NCKAP1: variants seen among roughly 807,000 people sequenced by gnomAD.
NCKAP1 encodes the protein NCK associated protein 1, also known as nck-associated protein 1.
NCKAP1 carries 21 observed loss-of-function variants against 151.2 expected under a neutral mutation model. The ratio of observed to expected loss-of-function variants is 0.14; its 90% CI spans 0.10 to 0.20. The LOEUF (loss-of-function observed/expected upper bound fraction) is 0.20. NCKAP1 is among the 10% of genes least tolerant of loss of function. The pLI is 1.00. For missense variants in NCKAP1, 933 were observed against 1,352.1 expected (o/e 0.69, Z 4.86); for synonymous variants, 484 against 451.8 (o/e 1.07, Z -0.90).
chr2:182,948,664 G>C (rs1438772009), intron 23 of NCKAP1, among the ~76,000 whole-genome samples: 1 of 152,032 alleles, frequency 6.6e-6, no homozygotes, highest in African/African-American at 2.4e-5. Context: ...ACTCTACTAA[G>C]AAAAACTACA....
At chr2:183,009,421 G>GGGAAGGGAAGGAA (rs1553517550) in intron 2 of NCKAP1, among the ~76,000 whole-genome samples, 1 of 82,574 alleles carries the variant, frequency 1.2e-5, no homozygotes, top group African/African-American at 4.7e-5. Flanking sequence ...AAAGAGGGAA[G>GGGAAGGGAAGGAA]GGAAGGAAGG....
In NCKAP1 at chr2:182,924,993, T is replaced by C. The variant is rs1696612325; in HGVS notation, c.*709A>G. The C allele has an allele frequency of 6.6e-6, 1 of 152,098 alleles. No individual in the cohort carries two copies. Among genetic ancestry groups the C allele is most frequent in the Non-Finnish European group, 1.5e-5 (1 of 67,972 alleles). 9.4% of individuals were successfully genotyped at this position (152,098 alleles called of 1,614,324 possible). Reference sequence around the variant, plus strand: ...TAGGGACTAACATTTGTATCAACAGTTGATAAATGTCTAAGATTGTTTATT... The same window carrying C: ...TAGGGACTAACATTTGTATCAACAGCTGATAAATGTCTAAGATTGTTTATT... On this transcript the variant is annotated 3_prime_UTR_variant, in exon 31 of 31. Coordinates refer to ENST00000361354, the MANE Select transcript of NCKAP1 (RefSeq NM_013436.5).
intron 18 of NCKAP1, among the ~76,000 whole-genome samples, chr2:182,958,850 T>C (rs1697379349): frequency 6.6e-6 from 1 of 152,230 alleles, no homozygotes; most frequent in East Asian, 1.9e-4. Context: ...AGTAGCCACA[T>C]GTGAAATGTG....
chr2:182,993,218 C>A (rs1365624093), intron 8 of NCKAP1, among the ~76,000 whole-genome samples: 1 of 152,122 alleles, frequency 6.6e-6, no homozygotes, highest in East Asian at 1.9e-4. Flanking sequence ...TAATACAATA[C>A]CTACACATCA....
At chr2:182,954,663 G>A (rs1274960578) in intron 20 of NCKAP1, among the ~76,000 whole-genome samples, 1 of 152,162 alleles carries the variant, frequency 6.6e-6, no homozygotes, top group Non-Finnish European at 1.5e-5. Context: ...GCACACGCCT[G>A]TAGTCCCAGC....
At chr2:183,013,458 A>G (rs1698627578) in intron 2 of NCKAP1, among the ~76,000 whole-genome samples, 1 of 152,116 alleles carries the variant, frequency 6.6e-6, no homozygotes, top group African/African-American at 2.4e-5. Context: ...CCATACACCC[A>G]ACACCCAATT....
In NCKAP1 at chr2:182,967,279, T is replaced by A; in HGVS notation, c.1565A>T (p.His522Leu). 1 of 1,612,022 alleles carries A rather than the reference T, an allele frequency of 6.2e-7. No homozygotes were observed. The highest frequency in any genetic ancestry group is 8.5e-7 in the Non-Finnish European group (1 of 1,178,840). The change falls in exon 16 of 31, where the codon CAT becomes CTT. Residue 522 changes from histidine (H) to leucine (L), a missense_variant. Physicochemically the swap from His to Leu is moderately conservative, Grantham distance 99. Transcript: ENST00000361354. Reference protein sequence around the residue: ...LGKMMNTIIFHTKMVDSLVEM... With the variant: ...LGKMMNTIIFLTKMVDSLVEM... Reference sequence around the variant, plus strand: ...CACCAAGGAATCTACCATTTTTGTATGAAAAATTATTGTATTCATCATCTT... The same window carrying A: ...CACCAAGGAATCTACCATTTTTGTAAGAAAAATTATTGTATTCATCATCTT...
At chr2:182,971,366 C>T (rs1697686148) in intron 15 of NCKAP1, among the ~76,000 whole-genome samples, 1 of 141,160 alleles carries the variant, frequency 7.1e-6, no homozygotes, top group African/African-American at 2.7e-5. Context: ...TGCACTCCAG[C>T]CTGGGCGACA....
intron 2 of NCKAP1, among the ~76,000 whole-genome samples, chr2:183,014,118 T>A (rs1475163439): frequency 1.3e-5 from 2 of 152,220 alleles, no homozygotes; most frequent in African/African-American, 4.8e-5. Context: ...CAACATAATA[T>A]AAGCTCTGTA....
chr2:182,956,727 A>G, intron 19 of NCKAP1, 134 bp from the exon 20 acceptor site: 1 of 884,644 alleles, frequency 1.1e-6, no homozygotes, highest in Non-Finnish European at 1.6e-6. Context: ...TAAACTGAGA[A>G]AGTTCAAAAT....
At chr2:182,972,542 T>C (rs1697721978) in intron 15 of NCKAP1, among the ~76,000 whole-genome samples, 1 of 152,080 alleles carries the variant, frequency 6.6e-6, no homozygotes, top group Non-Finnish European at 1.5e-5. Flanking sequence ...TGAAAATAGA[T>C]CCAGCAATCA....
chr2:183,014,119 A>C (rs1206632681), intron 2 of NCKAP1, among the ~76,000 whole-genome samples: 1 of 152,222 alleles, frequency 6.6e-6, no homozygotes, highest in Non-Finnish European at 1.5e-5. Flanking sequence ...AACATAATAT[A>C]AGCTCTGTAA....
intron 1 of NCKAP1, among the ~76,000 whole-genome samples, chr2:183,035,009 C>T (rs974497390): frequency 6.6e-6 from 1 of 152,106 alleles, no homozygotes; most frequent in Non-Finnish European, 1.5e-5. Flanking sequence ...CCCACCACCA[C>T]ACAAGTTGCC....
chr2:182,911,466 T>C lies in NCKAP1; in HGVS notation c.*14236A>G, dbSNP rs1034520653. The C allele has an allele frequency of 1.3e-5, 2 of 152,202 alleles. No individual in the cohort carries two copies. The highest frequency in any genetic ancestry group is 2.9e-5 in the Non-Finnish European group (2 of 68,046). 9.4% of individuals were successfully genotyped at this position (152,202 alleles called of 1,614,324 possible). A position where few individuals can be genotyped will look rare whatever the true frequency, so the allele number is the denominator to read the frequency against. On this transcript the variant is annotated 3_prime_UTR_variant, in exon 31 of 31. Coordinates refer to ENST00000361354, the MANE Select transcript of NCKAP1 (RefSeq NM_013436.5). ...ATCAGTTCATGACTTTATTAACTTA[T>C]ATAGTTAATACATGTTTTATATACT...
At chr2:183,014,836 G>A (rs559042490) in intron 2 of NCKAP1, among the ~76,000 whole-genome samples, 3 of 152,302 alleles carry the variant, frequency 2.0e-5, no homozygotes, top group Admixed American at 1.3e-4. Flanking sequence ...AATGACCAAG[G>A]AAACCAAAGT....
In NCKAP1 at chr2:183,025,017, AAG is replaced by A. The variant is rs771076502; in HGVS notation, c.109-1103_109-1102del. On this transcript the variant is annotated intron_variant, in intron 1 of 30. Coordinates refer to ENST00000361354, the MANE Select transcript of NCKAP1 (RefSeq NM_013436.5). Reference sequence around the variant, plus strand: ...CTTGCTGGGGAAGCATTGTAATAAAAAGAGAGAAAATTACGTGTAAACAATGA... The same window carrying A: ...CTTGCTGGGGAAGCATTGTAATAAAAAGAGAAAATTACGTGTAAACAATGA... The A allele has an allele frequency of 9.9e-6, 16 of 1,609,614 alleles. No individual in the cohort carries two copies. In the East Asian group the frequency reaches 1.6e-4, roughly 16 times the overall value.
At chr2:182,999,511 C>T (rs1698338364) in intron 6 of NCKAP1, among the ~76,000 whole-genome samples, 1 of 152,088 alleles carries the variant, frequency 6.6e-6, no homozygotes, top group African/African-American at 2.4e-5. Flanking sequence ...CAGATGTTGG[C>T]AAGGCTACTG....
At chr2:183,017,925 G>A (rs1224791149) in intron 2 of NCKAP1, among the ~76,000 whole-genome samples, 3 of 152,132 alleles carry the variant, frequency 2.0e-5, no homozygotes, top group African/African-American at 7.2e-5. Context: ...TACTCCTTGA[G>A]ATTGGTATTA....
intron 2 of NCKAP1, among the ~76,000 whole-genome samples, chr2:183,019,877 C>A (rs997626283): frequency 2.6e-5 from 4 of 152,078 alleles, no homozygotes; most frequent in African/African-American, 7.2e-5. Context: ...AAACTTGTTA[C>A]AACTGGTCAC....
Sources: gnomAD v4.1 joint callset for allele counts (sites outside exome capture counted in the v4.1 genomes callset) on GRCh38, gnomAD v4.1.1 for gene constraint, MANE v1.5 for transcripts, NCBI Gene and HGNC (gene_info 2026-07-23, HGNC 2026-07-21) for gene names.